The following PKN2 variants were observed in gnomAD, a reference collection of about 807,000 sequenced individuals.
PKN2 encodes the protein serine/threonine-protein kinase N2.
In PKN2, 38 loss-of-function variants were observed where a neutral mutation model predicts 119.1. The observed-to-expected ratio is 0.32, with a 90% CI of 0.25 to 0.42. PKN2 has a LOEUF of 0.42. Among genes scored for constraint, PKN2 ranks in the 10% least tolerant of loss-of-function variants. PKN2 has a pLI of 1.00. For missense variants in PKN2, 850 were observed against 1,165.1 expected (o/e 0.73, Z 3.94); for synonymous variants, 390 against 384.9 (o/e 1.01, Z -0.15).
intron 8 of PKN2, among the ~76,000 whole-genome samples, chr1:88,799,054 C>A (rs913976897): frequency 6.6e-6 from 1 of 152,154 alleles, no homozygotes; most frequent in African/African-American, 2.4e-5. Flanking sequence ...TATGTAAAGA[C>A]ATGGAGGCAG....
At chr1:88,715,087 A>G (rs1667390831) in intron 1 of PKN2, among the ~76,000 whole-genome samples, 1 of 152,024 alleles carries the variant, frequency 6.6e-6, no homozygotes, top group African/African-American at 2.4e-5. Flanking sequence ...ATTGATTTGC[A>G]TATGTTGAAC....
intron 20 of PKN2, 72 bp from the exon 21 acceptor site, chr1:88,833,005 A>C: frequency 7.2e-7 from 1 of 1,395,596 alleles, no homozygotes; most frequent in Non-Finnish European, 9.8e-7. Flanking sequence ...AAGTTTTTTA[A>C]AGTAATAATC....
At chr1:88,813,804 T>G in intron 16 of PKN2, 71 bp downstream of exon 16, 1 of 1,293,240 alleles carries the variant, frequency 7.7e-7, no homozygotes, top group Non-Finnish European at 1.1e-6. Context: ...AAAGAGATTC[T>G]TTGAATTTTA....
chr1:88,770,892 T>G (rs2100801619), intron 4 of PKN2, among the ~76,000 whole-genome samples: 1 of 151,844 alleles, frequency 6.6e-6, no homozygotes, highest in Middle Eastern at 3.4e-3. Context: ...GCCCTTTTTT[T>G]TTTTTTTAAT....
chr1:88,793,485 T>C (rs1670931902), intron 8 of PKN2, among the ~76,000 whole-genome samples: 1 of 152,198 alleles, frequency 6.6e-6, no homozygotes, highest in African/African-American at 2.4e-5. Flanking sequence ...AGTATAGAAT[T>C]GCCTACTTTT....
intron 1 of PKN2, among the ~76,000 whole-genome samples, chr1:88,726,327 C>T (rs974887014): frequency 3.3e-5 from 5 of 152,138 alleles, no homozygotes; most frequent in Non-Finnish European, 5.9e-5. Flanking sequence ...TTTGTAGATA[C>T]TCTTTGTCAA....
chr1:88,735,638 T>A (rs891659023), intron 1 of PKN2, among the ~76,000 whole-genome samples: 12 of 115,354 alleles, frequency 1.0e-4, no homozygotes, highest in Admixed American at 6.1e-4. Flanking sequence ...TTTTTTTTCT[T>A]TAACAATTTG....
At chr1:88,813,322 C>A (rs1286702543) in intron 15 of PKN2, among the ~76,000 whole-genome samples, 1 of 152,116 alleles carries the variant, frequency 6.6e-6, no homozygotes, top group Non-Finnish European at 1.5e-5. Flanking sequence ...GTGCTATAGA[C>A]TATCAATGTG....
chr1:88,822,653 A>C (rs1409578641), intron 17 of PKN2, among the ~76,000 whole-genome samples: 1 of 147,626 alleles, frequency 6.8e-6, no homozygotes, highest in Non-Finnish European at 1.5e-5. Context: ...ATCTCGGCTC[A>C]TGGCAACCTC....
intron 6 of PKN2, among the ~76,000 whole-genome samples, chr1:88,783,739 G>A (rs1404297087): frequency 6.6e-6 from 1 of 151,968 alleles, no homozygotes; most frequent in East Asian, 1.9e-4. Flanking sequence ...TATATCCAGA[G>A]GACCTAACTC....
intron 8 of PKN2, among the ~76,000 whole-genome samples, chr1:88,791,374 T>C (rs1218731764): frequency 6.6e-6 from 1 of 151,320 alleles, no homozygotes; most frequent in Non-Finnish European, 1.5e-5. Context: ...AAGGCAGAGG[T>C]TGCAGTGAGC....
intron 2 of PKN2, among the ~76,000 whole-genome samples, chr1:88,754,431 T>C (rs1054024812): frequency 1.9e-4 from 29 of 152,206 alleles, no homozygotes; most frequent in African/African-American, 7.0e-4. Flanking sequence ...TAATACAGTG[T>C]AGTACACATT....
chr1:88,755,475 A>G (rs1208818153), intron 2 of PKN2, among the ~76,000 whole-genome samples: 1 of 152,180 alleles, frequency 6.6e-6, no homozygotes, highest in Non-Finnish European at 1.5e-5. Flanking sequence ...GACCTTTGCA[A>G]TAAATTCTCT....
intron 3 of PKN2, among the ~76,000 whole-genome samples, chr1:88,766,942 G>A (rs143102968): frequency 1.3e-5 from 2 of 152,196 alleles, no homozygotes; most frequent in African/African-American, 4.8e-5. Context: ...TAAAATACAA[G>A]TGCTGTTTCT....
chr1:88,737,731 T>C (rs1451310737), intron 1 of PKN2, among the ~76,000 whole-genome samples: 1 of 152,148 alleles, frequency 6.6e-6, no homozygotes, highest in African/African-American at 2.4e-5. Context: ...TTCTGCCTGG[T>C]GTTGGGTTTC....
intron 16 of PKN2, among the ~76,000 whole-genome samples, chr1:88,817,342 G>A (rs114585618): frequency 0.032 from 4,838 of 151,736 alleles, 117 homozygotes; most frequent in Admixed American, 0.057. Context: ...TTCGACAGGC[G>A]GAGGTGGCAG....
rs1471461119 is a variant in PKN2 at position 88,835,541 on chromosome 1, A to AT, written c.*2099dup. ...CACAATTAAGCTGAAGAAAGCACTA[A>AT]TTTTTTGTAGTTTAAAATATATATA... On this transcript the variant is annotated 3_prime_UTR_variant, in exon 22 of 22. Transcript: ENST00000370521. The AT allele has an allele frequency of 1.3e-5, 2 of 152,316 alleles. No individual in the cohort carries two copies. Among genetic ancestry groups the AT allele is most frequent in the Non-Finnish European group, 2.9e-5 (2 of 67,896 alleles). 9.4% of individuals were successfully genotyped at this position (152,316 alleles called of 1,614,324 possible). A position where few individuals can be genotyped will look rare whatever the true frequency, so the allele number is the denominator to read the frequency against.
At position 88,709,619 on chromosome 1, in the gene PKN2, T is replaced by C. The variant is rs75722098; in HGVS notation, c.48+24991T>C. Among the ~76,000 whole-genome samples, 1,233 of 152,280 alleles carry C rather than the reference T, an allele frequency of 8.1e-3. 12 individuals are homozygous for C. Among genetic ancestry groups the C allele is most frequent in the African/African-American group, 0.028 (1,151 of 41,548 alleles). On this transcript the variant is annotated intron_variant, in intron 1 of 21. Transcript: ENST00000370521. ...AAATTAGAGCCATATTAGGAACATATAGATCATTCTAAAAATGTCACTGAG... is the reference window on the plus strand; with the variant it reads ...AAATTAGAGCCATATTAGGAACATACAGATCATTCTAAAAATGTCACTGAG...
intron 18 of PKN2, among the ~76,000 whole-genome samples, chr1:88,828,263 T>C (rs1171169915): frequency 1.3e-5 from 2 of 152,366 alleles, no homozygotes; most frequent in East Asian, 1.9e-4. Flanking sequence ...ATGGATATCT[T>C]ATTTCTATTT....
Sources: gnomAD v4.1 joint callset for allele counts (sites outside exome capture counted in the v4.1 genomes callset) on GRCh38, gnomAD v4.1.1 for gene constraint, MANE v1.5 for transcripts, NCBI Gene and HGNC (gene_info 2026-07-23, HGNC 2026-07-21) for gene names.